The following SLCO1B1 variants were observed in gnomAD, a reference collection of about 807,000 sequenced individuals.
SLCO1B1 encodes the protein OATP-2.
A neutral mutation model predicts 70.1 loss-of-function variants in SLCO1B1; 81 were observed. The ratio of observed to expected loss-of-function variants is 1.16; its 90% CI spans 0.97 to 1.39. The LOEUF (loss-of-function observed/expected upper bound fraction) is 1.39. Ranked by LOEUF, SLCO1B1 falls within the 40% of genes most tolerant of loss-of-function variation. The pLI, the probability that SLCO1B1 is intolerant of heterozygous loss-of-function variation, is 0.00. For missense variants in SLCO1B1, 895 were observed against 799.6 expected, an observed-to-expected ratio of 1.12 and a Z score of -1.44; for synonymous variants, 283 against 271.5, an observed-to-expected ratio of 1.04 and a Z score of -0.42.
chr12:21,223,741 A>T (rs923041483), intron 13 of SLCO1B1, among the ~76,000 whole-genome samples: 1 of 133,012 alleles, frequency 7.5e-6, no homozygotes, highest in Non-Finnish European at 1.7e-5. Flanking sequence ...TCACCACAAT[A>T]CAAAAAAAAA....
In SLCO1B1 at chr12:21,172,547, T is replaced by C. The variant is rs1940768391; in HGVS notation, c.85-103T>C. ...AGTATGGTTTTTAAGATACAAATAA[T>C]GTTTTTAAGTAAAGAAGAAAGCTAT... On this transcript the variant is annotated intron_variant, in intron 2 of 14. Coordinates refer to ENST00000256958, the MANE Select transcript of SLCO1B1 (RefSeq NM_006446.5). The C allele has an allele frequency of 3.9e-6, 5 of 1,283,748 alleles. 1 individual carries two copies. The South Asian group carries it at 4.8e-5, about 12-fold the overall frequency. The allele number at this position is 1,283,748 out of a possible 1,614,324, so 79.5% of individuals were successfully genotyped here.
intron 7 of SLCO1B1, 77 bp downstream of exon 7, chr12:21,179,097 G>C (rs1325354076): frequency 1.5e-5 from 13 of 881,976 alleles, no homozygotes; most frequent in Non-Finnish European, 1.7e-5. Context: ...TCAAATAACT[G>C]AATTCACTCT....
chr12:21,219,457 C>A (rs1941397819), intron 12 of SLCO1B1, among the ~76,000 whole-genome samples: 1 of 152,088 alleles, frequency 6.6e-6, no homozygotes, highest in African/African-American at 2.4e-5. Flanking sequence ...GAGAGCTAGC[C>A]TAGTTCAGAT....
chr12:21,211,212 C>A (rs909284848), intron 11 of SLCO1B1, among the ~76,000 whole-genome samples: 2 of 152,036 alleles, frequency 1.3e-5, no homozygotes, highest in South Asian at 4.1e-4. Context: ...ATAGATAGCT[C>A]TTATTATTTT....
chr12:21,203,491 C>G (rs1941180742), intron 10 of SLCO1B1, among the ~76,000 whole-genome samples: 1 of 151,968 alleles, frequency 6.6e-6, no homozygotes, highest in Non-Finnish European at 1.5e-5. Context: ...AATTCAGTAA[C>G]CATGTTCTTT....
chr12:21,210,892 A>AT (rs1941275481), intron 11 of SLCO1B1, among the ~76,000 whole-genome samples: 1 of 151,820 alleles, frequency 6.6e-6, no homozygotes, highest in Admixed American at 6.6e-5. Context: ...AATGCTTGTG[A>AT]TTTTTGTACA....
chr12:21,136,189 C>T (rs1238884146), intron 1 of SLCO1B1, among the ~76,000 whole-genome samples: 1 of 152,166 alleles, frequency 6.6e-6, no homozygotes, highest in Admixed American at 6.5e-5. Context: ...AGAGTTTCTG[C>T]CGAGAGATCA....
chr12:21,135,156 C>G (rs1387420054), intron 1 of SLCO1B1, among the ~76,000 whole-genome samples: 1 of 152,142 alleles, frequency 6.6e-6, no homozygotes, highest in African/African-American at 2.4e-5. Flanking sequence ...GAGTGAGTTT[C>G]TTAATCCTGA....
chr12:21,202,486 T>C lies in SLCO1B1; in HGVS notation c.1136-5T>C. Reference sequence around the variant, plus strand: ...TGATTACAACTTTTTTTCTTTTTTTTCTAGGAGTCATAACCATACCTATTT... The same window carrying C: ...TGATTACAACTTTTTTTCTTTTTTTCCTAGGAGTCATAACCATACCTATTT... On this transcript the variant is annotated splice_polypyrimidine_tract_variant and splice_region_variant and intron_variant, in intron 9 of 14. Transcript: ENST00000256958. 2 of 1,582,732 alleles carry C rather than the reference T, an allele frequency of 1.3e-6. No homozygotes were observed. The highest frequency in any genetic ancestry group is 2.7e-5 in the African/African-American group (2 of 73,352).
chr12:21,196,891 A>T, intron 7 of SLCO1B1, 55 bp from the exon 8 acceptor site: 1 of 1,540,834 alleles, frequency 6.5e-7, no homozygotes, highest in Non-Finnish European at 9.0e-7. Context: ...TATTTCCCTG[A>T]ACCTATTGTA....
chr12:21,222,603 G>A (rs905548939), intron 13 of SLCO1B1, among the ~76,000 whole-genome samples: 2 of 151,386 alleles, frequency 1.3e-5, no homozygotes, highest in East Asian at 1.9e-4. Flanking sequence ...AGGAGAATTC[G>A]ATTGTTAATT....
At position 21,205,988 on chromosome 12, in the gene SLCO1B1, C is replaced by G. The variant is rs74064211; in HGVS notation, c.1452C>G (p.Pro484=). The G allele has an allele frequency of 6.2e-7, 1 of 1,612,234 alleles. No homozygotes were observed. Among genetic ancestry groups the G allele is most frequent in the East Asian group, 2.2e-5 (1 of 44,786 alleles). ...CGNNGITYIS[P]CLAGCKSSSG... ...ACAATGGAATAACTTACATCTCACC[C>G]TGTCTAGCAGGTTGCAAATCTTCAA... Residue 484 remains proline, a synonymous_variant, in exon 11 of 15, where the codon CCC becomes CCG. Coordinates refer to ENST00000256958, the MANE Select transcript of SLCO1B1 (RefSeq NM_006446.5).
In SLCO1B1 at chr12:21,178,641, A is replaced by G. The variant is rs1464367863; in HGVS notation, c.547A>G (p.Ile183Val). The G allele has an allele frequency of 1.2e-6, 2 of 1,607,320 alleles. No individual in the cohort carries two copies. The highest frequency in any genetic ancestry group is 2.7e-5 in the African/African-American group (2 of 74,804). ...YVFMGNMLRG[I>V]GETPIVPLGL... ...GTTCATGGGTAATATGCTTCGTGGAATAGGGGAGACTCCCATAGTACCATT... is the reference window on the plus strand; with the variant it reads ...GTTCATGGGTAATATGCTTCGTGGAGTAGGGGAGACTCCCATAGTACCATT... The change falls in exon 6 of 15, where the codon ATA (isoleucine) becomes GTA (valine). Residue 183 changes from isoleucine to valine, a missense_variant. By Grantham distance (29) the Ile-to-Val change is conservative. Transcript: ENST00000256958.
rs568944276 is a variant in SLCO1B1 at position 21,205,987 on chromosome 12, C to A, written c.1451C>A (p.Pro484His). 2 of 1,612,202 alleles carry A rather than the reference C, an allele frequency of 1.2e-6. No homozygotes were observed. Among genetic ancestry groups the A allele is most frequent in the East Asian group, 4.5e-5 (2 of 44,786 alleles). ...AACAATGGAATAACTTACATCTCACCCTGTCTAGCAGGTTGCAAATCTTCA... is the reference window on the plus strand; with the variant it reads ...AACAATGGAATAACTTACATCTCACACTGTCTAGCAGGTTGCAAATCTTCA... ...CGNNGITYIS[P>H]CLAGCKSSSG... Residue 484 changes from proline (P) to histidine (H), a missense_variant, in exon 11 of 15, where the codon CCC (proline) becomes CAC (histidine). Coordinates refer to ENST00000256958, the MANE Select transcript of SLCO1B1 (RefSeq NM_006446.5).
At chr12:21,135,420 T>G (rs374479916) in intron 1 of SLCO1B1, among the ~76,000 whole-genome samples, 2 of 152,178 alleles carry the variant, frequency 1.3e-5, no homozygotes, top group African/African-American at 4.8e-5. Context: ...ATCTGTCTAA[T>G]GTTGACAGTG....
At chr12:21,199,711 A>T (rs898105529) in intron 8 of SLCO1B1, among the ~76,000 whole-genome samples, 1 of 152,102 alleles carries the variant, frequency 6.6e-6, no homozygotes, top group Non-Finnish European at 1.5e-5. Context: ...TTTTAATATA[A>T]TACTTATATC....
At chr12:21,222,930 A>G (rs1941444581) in intron 13 of SLCO1B1, among the ~76,000 whole-genome samples, 1 of 152,126 alleles carries the variant, frequency 6.6e-6, no homozygotes, top group African/African-American at 2.4e-5. Flanking sequence ...GAAGAAATAT[A>G]AAGGGAATAG....
chr12:21,202,470 CT>C lies in SLCO1B1; in HGVS notation c.1136-14del, dbSNP rs761311034. 16 of 1,520,356 alleles carry C rather than the reference CT, an allele frequency of 1.1e-5. No individual in the cohort carries two copies. The East Asian group carries it at 2.5e-4, about 24-fold the overall frequency. 94.2% of individuals were successfully genotyped at this position (1,520,356 alleles called of 1,614,324 possible). Reference sequence around the variant, plus strand: ...TCAGAAAACTCATATATGATTACAACTTTTTTTCTTTTTTTTCTAGGAGTCA... The same window carrying C: ...TCAGAAAACTCATATATGATTACAACTTTTTTCTTTTTTTTCTAGGAGTCA... On this transcript the variant is annotated intron_variant, in intron 9 of 14. Coordinates refer to ENST00000256958, the MANE Select transcript of SLCO1B1 (RefSeq NM_006446.5).
intron 12 of SLCO1B1, among the ~76,000 whole-genome samples, chr12:21,218,377 C>T (rs1336762425): frequency 1.3e-5 from 2 of 151,734 alleles, no homozygotes; most frequent in African/African-American, 2.4e-5. Context: ...GTATAGTGAC[C>T]TGGGTTAACA....
Sources: gnomAD v4.1 joint callset for allele counts (sites outside exome capture counted in the v4.1 genomes callset) on GRCh38, gnomAD v4.1.1 for gene constraint, MANE v1.5 for transcripts, NCBI Gene and HGNC (gene_info 2026-07-23, HGNC 2026-07-21) for gene names.